The following ATP13A3 variants were observed in gnomAD, a reference collection of about 807,000 sequenced individuals.
ATP13A3 encodes polyamine-transporting ATPase 13A3.
ATP13A3 carries 59 observed loss-of-function variants against 158.1 expected under a neutral mutation model. The observed-to-expected ratio is 0.37, with a 90% CI of 0.30 to 0.46. The LOEUF (loss-of-function observed/expected upper bound fraction) is 0.46, where lower values mean the gene tolerates loss of function less well. Ranked by LOEUF, ATP13A3 falls within the 20% of genes least tolerant of loss-of-function variation. The pLI is 1.00. For missense variants in ATP13A3, 1,166 were observed against 1,525.2 expected, an observed-to-expected ratio of 0.76 and a Z score of 3.92; for synonymous variants, 491 against 504.3, an observed-to-expected ratio of 0.97 and a Z score of 0.35.
chr3:194,425,538 C>CATGCAAAAAATGTCTGCATTAGT lies in ATP13A3; in HGVS notation c.3126-32_3126-10dup. ...CTGTTGTATTACAAGCACTAGAACACATGCAAAAAATGTCTGCATTAGTAA... is the reference window on the plus strand; with the variant it reads ...CTGTTGTATTACAAGCACTAGAACACATGCAAAAAATGTCTGCATTAGTATGCAAAAAATGTCTGCATTAGTAA... On this transcript the variant is annotated splice_polypyrimidine_tract_variant and intron_variant, in intron 29 of 33. Transcript: ENST00000645319. 1 of 1,587,720 alleles carries CATGCAAAAAATGTCTGCATTAGT rather than the reference C, an allele frequency of 6.3e-7. No individual in the cohort carries two copies. The highest frequency in any genetic ancestry group is 8.5e-7 in the Non-Finnish European group (1 of 1,170,498).
At chr3:194,486,268 T>TGCCCACAGGACCTCCACC (rs1334160702) in intron 1 of ATP13A3, among the ~76,000 whole-genome samples, 2 of 151,844 alleles carry the variant, frequency 1.3e-5, no homozygotes, top group African/African-American at 4.9e-5. Flanking sequence ...CCTACGCCTC[T>TGCCCACAGGACCTCCACC]GCCCACAGGA....
At chr3:194,491,295 C>A (rs1048299588), upstream of ATP13A3, among the ~76,000 whole-genome samples, 1 of 152,104 alleles carries the variant, frequency 6.6e-6, no homozygotes, top group Non-Finnish European at 1.5e-5. Context: ...CAAATCAGCT[C>A]CTCTCTCCTG....
intron 33 of ATP13A3, among the ~76,000 whole-genome samples, chr3:194,410,439 G>A (rs1416337687): frequency 6.6e-6 from 1 of 151,298 alleles, no homozygotes; most frequent in Non-Finnish European, 1.5e-5. Context: ...ATGGTGGCAT[G>A]CACCTCTAAT....
intron 1 of ATP13A3, among the ~76,000 whole-genome samples, 191 bp downstream of exon 1, chr3:194,486,375 G>C (rs1720974246): frequency 6.7e-6 from 1 of 149,630 alleles, no homozygotes; most frequent in Admixed American, 6.6e-5. Context: ...GTCCCCCCCA[G>C]GCCTTCGCAC....
At chr3:194,485,583 C>G (rs1451730459) in intron 2 of ATP13A3, among the ~76,000 whole-genome samples, 1 of 152,176 alleles carries the variant, frequency 6.6e-6, no homozygotes, top group Non-Finnish European at 1.5e-5. Flanking sequence ...TTCTTAGATT[C>G]CTTAAATTCT....
chr3:194,421,967 C>T (rs1716421504), intron 30 of ATP13A3, among the ~76,000 whole-genome samples: 1 of 93,484 alleles, frequency 1.1e-5, no homozygotes, highest in Non-Finnish European at 1.9e-5. Flanking sequence ...AAAAAATTTA[C>T]TCAAGCACAG....
At chr3:194,477,397 CTT>C (rs1418572668) in intron 2 of ATP13A3, among the ~76,000 whole-genome samples, 1 of 152,186 alleles carries the variant, frequency 6.6e-6, no homozygotes, top group Non-Finnish European at 1.5e-5. Context: ...TGGAATCCCT[CTT>C]CTTTTTGTGG....
At chr3:194,470,558 C>T (rs562940320) in intron 2 of ATP13A3, among the ~76,000 whole-genome samples, 15 of 152,106 alleles carry the variant, frequency 9.9e-5, no homozygotes, top group South Asian at 2.1e-4. Context: ...ACAAATGATA[C>T]GTGCATTTTA....
At chr3:194,461,133 A>G (rs1719628919) in intron 3 of ATP13A3, among the ~76,000 whole-genome samples, 1 of 152,062 alleles carries the variant, frequency 6.6e-6, no homozygotes, top group African/African-American at 2.4e-5. Flanking sequence ...AATGTTTGCA[A>G]TTTCATTGTT....
chr3:194,427,009 C>T (rs1716827948), intron 29 of ATP13A3, 66 bp downstream of exon 29: 1 of 1,518,230 alleles, frequency 6.6e-7, no homozygotes, highest in Non-Finnish European at 8.9e-7. Flanking sequence ...AACTTCTAAA[C>T]TCATTTTTAT....
At chr3:194,474,838 C>T (rs1296434728) in intron 2 of ATP13A3, among the ~76,000 whole-genome samples, 1 of 152,186 alleles carries the variant, frequency 6.6e-6, no homozygotes, top group Non-Finnish European at 1.5e-5. Context: ...TGCTGTGATG[C>T]GGTGCTCACT....
chr3:194,455,972 G>T lies in ATP13A3; in HGVS notation c.561-10C>A, dbSNP rs1333765666. ...TCCATAAAGCAGTTTTCTATAACAG[G>T]AAAATACATTCATAGTATTACATTA... On this transcript the variant is annotated splice_polypyrimidine_tract_variant and intron_variant, in intron 7 of 33. Coordinates refer to ENST00000645319, the MANE Select transcript of ATP13A3 (RefSeq NM_001367549.1). 4 of 1,471,108 alleles carry T rather than the reference G, an allele frequency of 2.7e-6. No individual in the cohort carries two copies. The highest frequency in any genetic ancestry group is 2.4e-5 in the East Asian group (1 of 42,112). The allele number at this position is 1,471,108 out of a possible 1,614,324, so 91.1% of individuals were successfully genotyped here.
intron 33 of ATP13A3, among the ~76,000 whole-genome samples, chr3:194,408,029 T>G (rs1034271400): frequency 6.6e-6 from 1 of 151,828 alleles, no homozygotes; most frequent in African/African-American, 2.4e-5. Context: ...ACCTTTTTTT[T>G]TTTTTTTTTG....
rs1714796801 is a variant in ATP13A3, at chr3:194,404,321, A to C, written c.*1598T>G. On this transcript the variant is annotated 3_prime_UTR_variant, in exon 34 of 34. Coordinates refer to ENST00000645319, the MANE Select transcript of ATP13A3 (RefSeq NM_001367549.1). ...GGCAATAGCAGTAACAGTGATCCTG[A>C]GTGTAATTTCTATTTTTCTATAGTT... The C allele has an allele frequency of 3.8e-6, 1 of 263,040 alleles. No individual in the cohort carries two copies. The highest frequency in any genetic ancestry group is 7.5e-6 in the Non-Finnish European group (1 of 134,222). 16.3% of individuals were successfully genotyped at this position (263,040 alleles called of 1,614,324 possible). A position where few individuals can be genotyped will look rare whatever the true frequency, so the allele number is the denominator to read the frequency against.
chr3:194,487,210 C>A (rs1217477620), upstream of ATP13A3, among the ~76,000 whole-genome samples: 1 of 152,176 alleles, frequency 6.6e-6, no homozygotes, highest in Non-Finnish European at 1.5e-5. Flanking sequence ...CGCTGGGTGT[C>A]AGCCCGGGGT....
At chr3:194,443,378 GA>G (rs1718181002) in intron 15 of ATP13A3, among the ~76,000 whole-genome samples, 1 of 151,972 alleles carries the variant, frequency 6.6e-6, no homozygotes, top group African/African-American at 2.4e-5. Context: ...GAAAATGAGA[GA>G]AAAAATGAGA....
upstream of ATP13A3, among the ~76,000 whole-genome samples, chr3:194,489,125 T>C (rs1721116163): frequency 6.6e-6 from 1 of 152,214 alleles, no homozygotes; most frequent in African/African-American, 2.4e-5. This position sits in a 1 kb window ranked among gnomAD's most constrained non-coding sequence, Gnocchi z 4.1. Context: ...AAGTCCTATC[T>C]ATTTCACCTC....
rs1367470158 is a variant in ATP13A3 at position 194,421,939 on chromosome 3, G to A, written c.3314-1972C>T. Among the ~76,000 whole-genome samples, 11 of 72,584 alleles carry A rather than the reference G, an allele frequency of 1.5e-4. No homozygotes were observed. The East Asian group carries it at 2.2e-3, about 15-fold the overall frequency. The allele number at this position is 72,584 out of a possible 152,430, so 47.6% of individuals were successfully genotyped here. On this transcript the variant is annotated intron_variant, in intron 30 of 33. Transcript: ENST00000645319. The stretch of plus-strand genomic sequence containing the variant: ...CGACCTGGTTCTTGACATGTGTGTC[G>A]TTGGCAAAAAAAAAAAAAAAAAATT...
intron 14 of ATP13A3, among the ~76,000 whole-genome samples, chr3:194,446,133 C>A (rs75488133): frequency 0.018 from 2,686 of 152,152 alleles, 85 homozygotes; most frequent in African/African-American, 0.062. Flanking sequence ...AAGCTTTGAG[C>A]AAATAAGCAA....
Sources: gnomAD v4.1 joint callset for allele counts (sites outside exome capture counted in the v4.1 genomes callset) on GRCh38, gnomAD v4.1.1 for gene constraint, Gnocchi (gnomAD v3.1) non-coding constraint, MANE v1.5 for transcripts, NCBI Gene and HGNC (gene_info 2026-07-23, HGNC 2026-07-21) for gene names.